Variants in STAG3 observed in about 807,000 individuals in gnomAD.
STAG3 encodes STAG3 cohesin complex component.
In STAG3, 101 loss-of-function variants were observed where a neutral mutation model predicts 160.7. The ratio of observed to expected loss-of-function variants is 0.63; its 90% confidence interval spans 0.54 to 0.74. STAG3 has a LOEUF of 0.74. Among genes scored for constraint, STAG3 ranks in the 30% least tolerant of loss-of-function variants. The pLI is 0.00. For synonymous variants in STAG3, 519 were observed against 585.0 expected (o/e 0.89, Z 1.63); for missense variants, 1,188 against 1,517.4 (o/e 0.78, Z 3.61).
chr7:100,213,615 A>G, intron 32 of STAG3, 120 bp from the exon 33 acceptor site: 1 of 1,537,218 alleles, frequency 6.5e-7, no homozygotes, highest in Non-Finnish European at 8.7e-7. Context: ...AGGAGGTGCC[A>G]TAGGGGCCTG....
intron 9 of STAG3, among the ~76,000 whole-genome samples, chr7:100,195,713 C>T (rs552877649): frequency 2.6e-5 from 4 of 152,306 alleles, no homozygotes; most frequent in South Asian, 4.1e-4. Context: ...AATAGAAAGG[C>T]GGGGCTTTTC....
At chr7:100,199,424 G>A (rs1204593080) in intron 15 of STAG3, 57 bp downstream of exon 15, 8 of 1,569,556 alleles carry the variant, frequency 5.1e-6, no homozygotes, top group Non-Finnish European at 6.1e-6. Context: ...GTGAAACTGG[G>A]AGGGATTGCT....
At chr7:100,204,486 C>A (rs1801443959) in intron 26 of STAG3, 141 bp from the exon 27 acceptor site, 3 of 1,022,994 alleles carry the variant, frequency 2.9e-6, no homozygotes, top group Non-Finnish European at 4.2e-6. Flanking sequence ...ATCGGGAGTT[C>A]CCTAGAAGGA....
intron 2 of STAG3, 152 bp downstream of exon 2, chr7:100,180,824 A>G (rs966286977): frequency 1.2e-5 from 7 of 565,384 alleles, no homozygotes; most frequent in African/African-American, 3.8e-5. Flanking sequence ...CTCCAGCTCC[A>G]GGTGTTTTTT....
chr7:100,209,427 C>A (rs1801966829), intron 29 of STAG3, among the ~76,000 whole-genome samples: 1 of 152,132 alleles, frequency 6.6e-6, no homozygotes, highest in South Asian at 2.1e-4. Context: ...CCATTATGGC[C>A]AGAATGCAGA....
At chr7:100,214,783 A>C (rs1343160817), downstream of STAG3, among the ~76,000 whole-genome samples, 1 of 152,122 alleles carries the variant, frequency 6.6e-6, no homozygotes, top group Non-Finnish European at 1.5e-5. Context: ...AATTTGATCA[A>C]ATCACAGTAT....
At position 100,205,151 on chromosome 7, in the gene STAG3, T is replaced by C. The variant is rs775633511; in HGVS notation, c.3080+18T>C. 3.1e-6 allele frequency: 5 copies of C among 1,613,798 alleles called. No homozygotes were observed. The highest frequency in any genetic ancestry group is 3.3e-5 in the Admixed American group (2 of 59,992). On this transcript the variant is annotated intron_variant, in intron 28 of 33. Coordinates refer to ENST00000615138, the MANE Select transcript of STAG3 (RefSeq NM_001282717.2). ...CAGCTTTTGTAAGTTGGTGGGTGGA[T>C]AGAGATGTGGATTAGGGAAGGGCCT... is the stretch of plus-strand genomic sequence containing the variant.
chr7:100,203,075 T>C (rs1409951825), intron 25 of STAG3, among the ~76,000 whole-genome samples: 1 of 152,214 alleles, frequency 6.6e-6, no homozygotes, highest in East Asian at 1.9e-4. Context: ...TCCATTGTAG[T>C]TGGGGAGAGA....
At chr7:100,179,143 CT>C (rs34870349) in intron 1 of STAG3, among the ~76,000 whole-genome samples, 1,856 of 126,984 alleles carry the variant, frequency 0.015, 29 homozygotes, top group East Asian at 0.069. Flanking sequence ...GGCACCTTGC[CT>C]TTTTTTTTTT....
At chr7:100,203,278 G>A (rs1043322090) in intron 25 of STAG3, among the ~76,000 whole-genome samples, 5 of 151,292 alleles carry the variant, frequency 3.3e-5, no homozygotes, top group East Asian at 1.9e-4. Context: ...TCTGCCTCCC[G>A]GGGTTCAAGC....
rs961838669 is a variant in STAG3 at position 100,180,504 on chromosome 7, T to C, written c.-53T>C. On this transcript the variant is annotated 5_prime_UTR_variant, in exon 2 of 34. Transcript: ENST00000615138. ...TCTTTCTTCCCCAGCTGGATCGCCA[T>C]ACCTACCCTGTGGTCCTCATCTTCC... The C allele has an allele frequency of 9.3e-7, 1 of 1,075,294 alleles. No individual in the cohort carries two copies. Among genetic ancestry groups the C allele is most frequent in the African/African-American group, 1.5e-5 (1 of 64,980 alleles). 66.6% of individuals were successfully genotyped at this position (1,075,294 alleles called of 1,614,324 possible).
intron 4 of STAG3, among the ~76,000 whole-genome samples, chr7:100,184,191 G>A (rs1303810356): frequency 6.6e-6 from 1 of 151,912 alleles, no homozygotes; most frequent in East Asian, 1.9e-4. Context: ...ACTTGAACTC[G>A]GGAGGCGGAG....
Position 100,199,534 on chromosome 7 carries a change from A to G in STAG3, c.1574-7A>G, listed in dbSNP as rs781401928. The G allele has an allele frequency of 1.9e-6, 3 of 1,596,808 alleles. No homozygotes were observed. The African/African-American group carries it at 4.0e-5, about 21-fold the overall frequency. On this transcript the variant is annotated splice_region_variant and splice_polypyrimidine_tract_variant and intron_variant, in intron 15 of 33. Coordinates refer to ENST00000615138, the MANE Select transcript of STAG3 (RefSeq NM_001282717.2). ...ATTCTATGTTTTTGATCCTCCTGGC[A>G]CTCCAGACCTGGGTGATGTGCAGGA...
rs1802572956 is a variant in STAG3 at position 100,214,290 on chromosome 7, G to A, written c.*275G>A. 5.9e-6 allele frequency: 3 copies of A among 505,636 alleles called. No individual in the cohort carries two copies. The highest frequency in any genetic ancestry group is 1.0e-5 in the Non-Finnish European group (3 of 286,514). 31.3% of individuals were successfully genotyped at this position (505,636 alleles called of 1,614,324 possible). A position where few individuals can be genotyped will look rare whatever the true frequency, so the allele number is the denominator to read the frequency against. ...GAAGGGCAGCACCTCTGTGTTTAAT[G>A]GAAATAGCCCATAGTCTCCTGGATT... On this transcript the variant is annotated 3_prime_UTR_variant, in exon 34 of 34. Transcript: ENST00000615138.
intron 32 of STAG3, chr7:100,213,501 G>T: frequency 5.1e-6 from 5 of 985,302 alleles, no homozygotes; most frequent in Non-Finnish European, 6.0e-6. Flanking sequence ...GAAAAAATCC[G>T]TTTTCTGGTT....
rs751462010 is a variant in STAG3 at position 100,201,258 on chromosome 7, C to G, written c.2133-6C>G. 1.2e-5 allele frequency: 20 copies of G among 1,613,994 alleles called. No homozygotes were observed. Among genetic ancestry groups the G allele is most frequent in the Middle Eastern group, 3.3e-4 (2 of 6,084 alleles). ...CCAGTATAACATTCCCCTTTCTCCC[C>G]CAAAGCACTCATGACCTGACTCGCT... On this transcript the variant is annotated splice_region_variant and splice_polypyrimidine_tract_variant and intron_variant, in intron 20 of 33. Coordinates refer to ENST00000615138, the MANE Select transcript of STAG3 (RefSeq NM_001282717.2).
Position 100,197,832 on chromosome 7 carries a change from C to T in STAG3, c.1120C>T (p.Arg374Trp), listed in dbSNP as rs781304872. Reference protein sequence around the residue: ...VKALKGLYGNRDLTTRLELFT... With the variant: ...VKALKGLYGNWDLTTRLELFT... ...GGCCCTGAAAGGGCTGTACGGTAAC[C>T]GGGACCTGACCACACGCCTGGAGCT... The change falls in exon 11 of 34, where the codon CGG (arginine) becomes TGG (tryptophan). Residue 374 changes from arginine to tryptophan, a missense_variant. By Grantham distance (101) the Arg-to-Trp change is moderately radical. Around this residue, in one of 4 missense-constraint regions of STAG3, gnomAD observed 240 missense variants for 358.1 expected, o/e 0.67. Coordinates refer to ENST00000615138, the MANE Select transcript of STAG3 (RefSeq NM_001282717.2). The T allele has an allele frequency of 6.2e-6, 10 of 1,613,770 alleles. No individual in the cohort carries two copies. Among genetic ancestry groups the T allele is most frequent in the Middle Eastern group, 1.6e-4 (1 of 6,074 alleles).
intron 15 of STAG3, 67 bp from the exon 16 acceptor site, chr7:100,199,474 G>T: frequency 7.1e-6 from 11 of 1,556,380 alleles, no homozygotes; most frequent in East Asian, 2.3e-5. Flanking sequence ...GCATCGGGTG[G>T]GGGGAGCTTG....
At chr7:100,180,720 C>A in intron 2 of STAG3, 48 bp downstream of exon 2, 1 of 1,181,264 alleles carries the variant, frequency 8.5e-7, no homozygotes, top group African/African-American at 1.5e-5. Context: ...CCCTGGCAGC[C>A]TTCCCCCTCG....
Sources: allele counts gnomAD v4.1 joint callset (sites outside exome capture counted in the v4.1 genomes callset), GRCh38; gene constraint gnomAD v4.1.1; regional missense constraint gnomAD v4.1.1; transcripts MANE v1.5; gene names NCBI Gene and HGNC (gene_info 2026-07-23, HGNC 2026-07-21).